PLPPR1: variants seen among roughly 807,000 people sequenced by gnomAD.
PLPPR1 encodes the protein phospholipid phosphatase related 1.
A neutral mutation model predicts 33.1 loss-of-function variants in PLPPR1; 10 were observed. The ratio of observed to expected loss-of-function variants is 0.30; its 90% CI spans 0.19 to 0.51. The LOEUF (loss-of-function observed/expected upper bound fraction) is 0.51, where lower values mean the gene tolerates loss of function less well. Among genes scored for constraint, PLPPR1 ranks in the 20% least tolerant of loss-of-function variants. The pLI is 0.97. For missense variants in PLPPR1, 304 were observed against 408.1 expected (o/e 0.74, Z 2.20); for synonymous variants, 151 against 151.0 (o/e 1.00, Z 0.00).
At chr9:101,039,367 A>C (rs781693454) in intron 1 of PLPPR1, among the ~76,000 whole-genome samples, 39 of 152,148 alleles carry the variant, frequency 2.6e-4, no homozygotes, top group Admixed American at 5.2e-4. Context: ...GAGATAAATA[A>C]ATTACTTGCC....
chr9:101,181,632 G>GTGTGTGTGTGTA, intron 1 of PLPPR1, among the ~76,000 whole-genome samples: 2 of 147,504 alleles, frequency 1.4e-5, no homozygotes, highest in African/African-American at 5.1e-5. Flanking sequence ...GTGTGTGTGT[G>GTGTGTGTGTGTA]TATGTGTATG....
chr9:101,097,686 G>A (rs1467475626), intron 1 of PLPPR1, among the ~76,000 whole-genome samples: 2 of 152,084 alleles, frequency 1.3e-5, no homozygotes, highest in South Asian at 2.1e-4. Flanking sequence ...GAGTGTCCAA[G>A]GACCAGAGAC....
intron 1 of PLPPR1, among the ~76,000 whole-genome samples, chr9:101,077,591 C>A (rs1830554968): frequency 6.6e-6 from 1 of 152,090 alleles, no homozygotes; most frequent in African/African-American, 2.4e-5. Context: ...AGGATGTGCT[C>A]AGAATAGCAC....
intron 1 of PLPPR1, among the ~76,000 whole-genome samples, chr9:101,123,849 A>G (rs1427271800): frequency 6.6e-6 from 1 of 152,130 alleles, no homozygotes. Flanking sequence ...CTTAGATTAT[A>G]GTGCGTCAGG....
chr9:101,044,061 G>A (rs1475907869), intron 1 of PLPPR1, among the ~76,000 whole-genome samples: 2 of 152,154 alleles, frequency 1.3e-5, no homozygotes, highest in African/African-American at 4.8e-5. Context: ...GGAATAGTCA[G>A]CAGAGTAAAC....
intron 2 of PLPPR1, among the ~76,000 whole-genome samples, chr9:101,198,652 A>G (rs1367460006): frequency 6.6e-6 from 1 of 152,170 alleles, no homozygotes; most frequent in Middle Eastern, 3.2e-3. Flanking sequence ...CACCTGTCTG[A>G]AGGGGTCAGG....
chr9:101,314,602 T>TAA (rs200723396), intron 6 of PLPPR1, among the ~76,000 whole-genome samples: 1,501 of 141,456 alleles, frequency 0.011, 18 homozygotes, highest in African/African-American at 0.034. Flanking sequence ...GCATTATGTC[T>TAA]AAAAAAAAAA....
At chr9:101,186,024 T>C (rs1826196697) in intron 2 of PLPPR1, among the ~76,000 whole-genome samples, 1 of 151,862 alleles carries the variant, frequency 6.6e-6, no homozygotes, top group African/African-American at 2.4e-5. Context: ...TACTATCTCC[T>C]CTGGACATTT....
At chr9:101,244,083 C>CA (rs1827535643) in intron 2 of PLPPR1, among the ~76,000 whole-genome samples, 1 of 151,768 alleles carries the variant, frequency 6.6e-6, no homozygotes, top group Non-Finnish European at 1.5e-5. Context: ...ATGGAGTGAA[C>CA]AGGAGTGTCA....
rs34613253 is a variant in PLPPR1 at position 101,134,385 on chromosome 9, A to ATT, written c.-45-51051_-45-51050dup. 2.5e-3 allele frequency among the ~76,000 whole-genome samples: 370 copies of ATT among 145,900 alleles called. 2 individuals are homozygous for ATT. Among genetic ancestry groups the ATT allele is most frequent in the Admixed American group, 3.1e-3 (45 of 14,678 alleles). On this transcript the variant is annotated intron_variant, in intron 1 of 7. Transcript: ENST00000374874. ...ATATATTGTGGTCTGTAAGAACAGGATTTTTTTTTTTTTTTGAGACCATTC... is the reference window on the plus strand; with the variant it reads ...ATATATTGTGGTCTGTAAGAACAGGATTTTTTTTTTTTTTTTTGAGACCATTC...
intron 1 of PLPPR1, among the ~76,000 whole-genome samples, chr9:101,070,699 T>G (rs113647307): frequency 0.022 from 3,346 of 152,234 alleles, 61 homozygotes; most frequent in Non-Finnish European, 0.036. Flanking sequence ...ACTCTCAGAC[T>G]TCAATATTTG....
intron 1 of PLPPR1, among the ~76,000 whole-genome samples, chr9:101,061,186 A>G (rs1300472143): frequency 6.6e-6 from 1 of 151,980 alleles, no homozygotes; most frequent in East Asian, 1.9e-4. Flanking sequence ...TCACATATAC[A>G]GATTGAAGAT....
intron 2 of PLPPR1, among the ~76,000 whole-genome samples, chr9:101,237,302 CA>C (rs1245145666): frequency 6.6e-6 from 1 of 151,634 alleles, no homozygotes; most frequent in African/African-American, 2.4e-5. Context: ...CCAAATGATC[CA>C]GCAATCTCAC....
chr9:101,190,406 C>T (rs1428754938), intron 2 of PLPPR1, among the ~76,000 whole-genome samples: 1 of 152,110 alleles, frequency 6.6e-6, no homozygotes, highest in African/African-American at 2.4e-5. Flanking sequence ...TTGGATCTCA[C>T]TAAGTTCTTC....
At chr9:101,102,208 A>T (rs1309292816) in intron 1 of PLPPR1, among the ~76,000 whole-genome samples, 1 of 124,668 alleles carries the variant, frequency 8.0e-6, no homozygotes, top group Non-Finnish European at 1.6e-5. Flanking sequence ...GGTTAGTTAC[A>T]TATGTATACA....
At chr9:101,204,615 C>T (rs1356613475) in intron 2 of PLPPR1, among the ~76,000 whole-genome samples, 2 of 152,108 alleles carry the variant, frequency 1.3e-5, no homozygotes, top group Non-Finnish European at 2.9e-5. Context: ...TGTGCACTTC[C>T]CTGGAGACCA....
In PLPPR1 at chr9:101,160,149, A is replaced by T. The variant is rs548566439; in HGVS notation, c.-45-25301A>T. 9.9e-5 allele frequency among the ~76,000 whole-genome samples: 15 copies of T among 152,254 alleles called. No homozygotes were observed. The East Asian group carries it at 2.9e-3, about 29-fold the overall frequency. The stretch of plus-strand genomic sequence containing the variant: ...CTAGAAATGAGAAGAACAATGGGAG[A>T]ATGGTTTTATTCCCATCTGAATAAT... On this transcript the variant is annotated intron_variant, in intron 1 of 7. Transcript: ENST00000374874.
intron 1 of PLPPR1, among the ~76,000 whole-genome samples, chr9:101,153,332 T>A (rs1389919139): frequency 1.3e-5 from 2 of 152,220 alleles, no homozygotes; most frequent in African/African-American, 4.8e-5. Context: ...AATCATGTCA[T>A]CTGCAAACAG....
At chr9:101,137,914 A>G (rs1241471729) in intron 1 of PLPPR1, among the ~76,000 whole-genome samples, 1 of 152,226 alleles carries the variant, frequency 6.6e-6, no homozygotes, top group Non-Finnish European at 1.5e-5. Context: ...TTATTCACAA[A>G]TAATAAGCAA....
Sources: gnomAD v4.1 joint callset for allele counts (sites outside exome capture counted in the v4.1 genomes callset) on GRCh38, gnomAD v4.1.1 for gene constraint, MANE v1.5 for transcripts, NCBI Gene and HGNC (gene_info 2026-07-23, HGNC 2026-07-21) for gene names.